Variants in RGS6 observed in about 807,000 individuals in gnomAD.
RGS6 encodes the protein regulator of G-protein signaling 6.
Under a neutral mutation model 78.5 loss-of-function variants are expected in RGS6, and 30 were observed. That is an observed-to-expected ratio of 0.38 (90% confidence interval 0.29 to 0.52). The LOEUF (loss-of-function observed/expected upper bound fraction) is 0.52. Among genes scored for constraint, RGS6 ranks in the 20% least tolerant of loss-of-function variants. The pLI is 0.85. For missense variants in RGS6, 495 were observed against 609.7 expected, an observed-to-expected ratio of 0.81 and a Z score of 1.98; for synonymous variants, 206 against 206.0, an observed-to-expected ratio of 1.00 and a Z score of 0.00.
intron 3 of RGS6, among the ~76,000 whole-genome samples, chr14:72,365,634 T>C (rs1280396939): frequency 1.3e-5 from 2 of 152,258 alleles, no homozygotes; most frequent in African/African-American, 4.8e-5. Flanking sequence ...TTCGATCTTA[T>C]GTGCTGAAAG....
At chr14:72,290,343 T>C (rs1167449301) in intron 2 of RGS6, among the ~76,000 whole-genome samples, 1 of 152,166 alleles carries the variant, frequency 6.6e-6, no homozygotes, top group African/African-American at 2.4e-5. Context: ...TTCAGGCACT[T>C]TGCATTCTGC....
In RGS6 at chr14:72,474,610, T is replaced by G. The variant is rs781348041; in HGVS notation, c.619-15T>G. Reference sequence around the variant, plus strand: ...TTCACGTAGTAATTTATATGATGTGTTTTTTTTTTCTCAGCCAGGCTGTGT... The same window carrying G: ...TTCACGTAGTAATTTATATGATGTGGTTTTTTTTTCTCAGCCAGGCTGTGT... On this transcript the variant is annotated splice_polypyrimidine_tract_variant and intron_variant, in intron 9 of 17. Transcript: ENST00000553525. The G allele has an allele frequency of 3.9e-6, 6 of 1,528,632 alleles. No homozygotes were observed. The highest frequency in any genetic ancestry group is 1.2e-5 in the South Asian group (1 of 82,706). The allele number at this position is 1,528,632 out of a possible 1,614,324, so 94.7% of individuals were successfully genotyped here. A position where few individuals can be genotyped will look rare whatever the true frequency, so the allele number is the denominator to read the frequency against.
chr14:72,298,699 C>T lies in RGS6; in HGVS notation c.85-53396C>T, dbSNP rs549060380. 3.3e-5 allele frequency among the ~76,000 whole-genome samples: 5 copies of T among 152,200 alleles called. No homozygotes were observed. In the East Asian group the frequency reaches 5.8e-4, roughly 18 times the overall value. On this transcript the variant is annotated intron_variant, in intron 2 of 17. Transcript: ENST00000553525. ...TCCTGACCTCGTGGTCCACCCGCCT[C>T]GGCCTCCCAGAGTGCTGGGATTACA...
At chr14:72,015,924 A>C (rs2086854413) in intron 2 of RGS6, among the ~76,000 whole-genome samples, 1 of 151,946 alleles carries the variant, frequency 6.6e-6, no homozygotes, top group African/African-American at 2.4e-5. Context: ...CTTTTTATTA[A>C]TGATTTATAA....
At chr14:72,429,286 A>G (rs2094538322) in intron 3 of RGS6, among the ~76,000 whole-genome samples, 1 of 152,234 alleles carries the variant, frequency 6.6e-6, no homozygotes, top group Non-Finnish European at 1.5e-5. Context: ...AATCACTTCC[A>G]TCCTGCATGG....
At chr14:72,088,844 T>A (rs2095158595) in intron 2 of RGS6, among the ~76,000 whole-genome samples, 1 of 152,190 alleles carries the variant, frequency 6.6e-6, no homozygotes, top group Admixed American at 6.5e-5. Flanking sequence ...TTCTTTCTGC[T>A]CCTCAGTCAC....
chr14:72,543,056 G>A (rs1022159065), intron 17 of RGS6, among the ~76,000 whole-genome samples: 1 of 152,220 alleles, frequency 6.6e-6, no homozygotes, highest in East Asian at 1.9e-4. Flanking sequence ...CAAAGCAAAT[G>A]TCTGGGGACA....
chr14:71,898,151 C>T, the RGS6 span, among the ~76,000 whole-genome samples: 1 of 152,076 alleles, frequency 6.6e-6, no homozygotes, highest in Non-Finnish European at 1.5e-5. Context: ...AAGATCTACT[C>T]TCAGCAATTT....
At chr14:72,496,849 T>TACATACACACACACACACAC (rs1177821768) in intron 13 of RGS6, among the ~76,000 whole-genome samples, 44 of 152,182 alleles carry the variant, frequency 2.9e-4, no homozygotes, top group African/African-American at 9.2e-4. Context: ...CCCAAATATG[T>TACATACACACACACACACAC]ACATATATAT....
chr14:72,542,200 G>A (rs1296544487), intron 17 of RGS6, among the ~76,000 whole-genome samples: 1 of 152,192 alleles, frequency 6.6e-6, no homozygotes, highest in East Asian at 1.9e-4. Context: ...TGGTGGAGAT[G>A]GATTGCCATC....
At chr14:72,282,440 T>C (rs1451018419) in intron 2 of RGS6, among the ~76,000 whole-genome samples, 1 of 152,176 alleles carries the variant, frequency 6.6e-6, no homozygotes, top group Non-Finnish European at 1.5e-5. Context: ...GAGTTGCAGT[T>C]TCCAAGTCTA....
chr14:72,135,869 G>A (rs143107350), intron 2 of RGS6, among the ~76,000 whole-genome samples: 2 of 152,094 alleles, frequency 1.3e-5, no homozygotes. Context: ...AGAAAAAGAG[G>A]AGGAAGAGGA....
At chr14:72,218,097 G>A (rs577907365) in intron 2 of RGS6, among the ~76,000 whole-genome samples, 10 of 152,086 alleles carry the variant, frequency 6.6e-5, no homozygotes, top group South Asian at 4.2e-4. Context: ...ATATTCAAGC[G>A]TGTCCCATAG....
intron 3 of RGS6, among the ~76,000 whole-genome samples, chr14:72,433,605 C>T (rs2094761188): frequency 1.3e-5 from 2 of 152,028 alleles, no homozygotes; most frequent in African/African-American, 2.4e-5. Flanking sequence ...GAGGAAGCTC[C>T]CCTGCTTAAA....
intron 3 of RGS6, among the ~76,000 whole-genome samples, chr14:72,423,742 G>A (rs1032355200): frequency 2.6e-5 from 4 of 152,260 alleles, no homozygotes; most frequent in African/African-American, 9.6e-5. Flanking sequence ...CTTGAGTGAC[G>A]GGATCATTTG....
the RGS6 span, among the ~76,000 whole-genome samples, chr14:71,897,933 A>G: frequency 6.6e-6 from 1 of 151,996 alleles, no homozygotes; most frequent in African/African-American, 2.4e-5. Flanking sequence ...TTAGAGTACA[A>G]TATAAAGGCT....
chr14:72,370,163 A>AT (rs1003678184), intron 3 of RGS6, among the ~76,000 whole-genome samples: 1 of 151,828 alleles, frequency 6.6e-6, no homozygotes, highest in African/African-American at 2.4e-5. Context: ...AAAAAAAAAA[A>AT]ATTCACTTGA....
At chr14:71,894,223 G>A in the RGS6 span, among the ~76,000 whole-genome samples, 1 of 152,114 alleles carries the variant, frequency 6.6e-6, no homozygotes, top group Admixed American at 6.5e-5. Flanking sequence ...AGAAAGTCAG[G>A]CATTCCTCGC....
chr14:72,318,666 C>CA (rs941636576), intron 2 of RGS6, among the ~76,000 whole-genome samples: 1 of 152,020 alleles, frequency 6.6e-6, no homozygotes, highest in Non-Finnish European at 1.5e-5. Flanking sequence ...ACAAAGCAAG[C>CA]AAAAAACACG....
Sources: gnomAD v4.1 joint callset for allele counts (sites outside exome capture counted in the v4.1 genomes callset) on GRCh38, gnomAD v4.1.1 for gene constraint, MANE v1.5 for transcripts, NCBI Gene and HGNC (gene_info 2026-07-23, HGNC 2026-07-21) for gene names.